Variants in NRXN3 observed in about 807,000 individuals in gnomAD.
NRXN3 encodes the protein neurexin 3, also known as neurexin III.
In NRXN3, 32 loss-of-function variants were observed where a neutral mutation model predicts 137.6. The observed-to-expected ratio is 0.23, with a 90% CI of 0.18 to 0.31. The LOEUF is 0.31. NRXN3 is among the 10% of genes least tolerant of loss of function. The pLI is 1.00. For synonymous variants in NRXN3, 798 were observed against 784.5 expected (o/e 1.02, Z -0.29); for missense variants, 1,574 against 2,062.5 (o/e 0.76, Z 4.59).
chr14:79,340,161 GT>G (rs1401592738), intron 15 of NRXN3, among the ~76,000 whole-genome samples: 23 of 3,732 alleles, frequency 6.2e-3, no homozygotes, highest in Non-Finnish European at 0.024. Context: ...GAATTTAAGG[GT>G]GTGTGTGTGT....
chr14:79,850,928 G>A (rs531317480), intron 20 of NRXN3, among the ~76,000 whole-genome samples: 23 of 152,238 alleles, frequency 1.5e-4, no homozygotes, highest in African/African-American at 5.3e-4. Context: ...GCTTCCATGG[G>A]TTTAAAAAAT....
chr14:78,226,043 G>A (rs151218258), intron 1 of NRXN3, among the ~76,000 whole-genome samples: 2,389 of 148,312 alleles, frequency 0.016, 68 homozygotes, highest in African/African-American at 0.056. Flanking sequence ...TTGCTCTGTC[G>A]CCCAGGCTAG....
intron 15 of NRXN3, among the ~76,000 whole-genome samples, chr14:79,064,453 A>G (rs538641891): frequency 9.1e-4 from 138 of 152,196 alleles, no homozygotes; most frequent in South Asian, 1.7e-3. Flanking sequence ...ACACAGGGAC[A>G]GGTGGTGTCT....
intron 19 of NRXN3, among the ~76,000 whole-genome samples, chr14:79,787,448 AATTC>A (rs1265872567): frequency 6.6e-6 from 1 of 152,210 alleles, no homozygotes; most frequent in Admixed American, 6.5e-5. Context: ...TGAAATAGGC[AATTC>A]ATTATTAACT....
At chr14:78,262,976 C>T (rs976577716) in intron 2 of NRXN3, among the ~76,000 whole-genome samples, 5 of 152,192 alleles carry the variant, frequency 3.3e-5, no homozygotes, top group East Asian at 1.9e-4. Context: ...ATACACAAGG[C>T]GCTAGAGTGA....
intron 15 of NRXN3, among the ~76,000 whole-genome samples, chr14:79,430,324 A>G (rs1199764899): frequency 6.6e-6 from 1 of 152,162 alleles, no homozygotes; most frequent in East Asian, 1.9e-4. Context: ...AGGTACCTCA[A>G]ACGTGATGAG....
chr14:79,819,552 T>C (rs376364637), intron 20 of NRXN3, among the ~76,000 whole-genome samples: 11 of 126,444 alleles, frequency 8.7e-5, no homozygotes, highest in African/African-American at 3.3e-4. Context: ...TGGCACAATC[T>C]CGGCTCACTA....
chr14:79,282,021 G>T (rs1453909994), intron 15 of NRXN3: 2 of 151,230 alleles, frequency 1.3e-5, no homozygotes, highest in Non-Finnish European at 2.9e-5. Context: ...GGTTGGTGGA[G>T]GGGGATGGTG....
At chr14:79,543,635 A>G (rs1006169459) in intron 16 of NRXN3, among the ~76,000 whole-genome samples, 3 of 152,144 alleles carry the variant, frequency 2.0e-5, no homozygotes, top group Non-Finnish European at 2.9e-5. Flanking sequence ...GACCTTGAAA[A>G]ATTTGGAGCT....
chr14:79,067,588 C>G (rs536284428), intron 15 of NRXN3, among the ~76,000 whole-genome samples: 12 of 152,140 alleles, frequency 7.9e-5, no homozygotes, highest in Admixed American at 6.6e-4. Context: ...GTGAATCTAT[C>G]TGGTCCTGGG....
chr14:78,675,708 A>G (rs986846151), intron 6 of NRXN3, among the ~76,000 whole-genome samples: 1 of 152,162 alleles, frequency 6.6e-6, no homozygotes, highest in Non-Finnish European at 1.5e-5. Flanking sequence ...TGAAGTTTCT[A>G]TGGCGTCTTC....
At chr14:78,578,822 C>T (rs1055653875) in intron 4 of NRXN3, among the ~76,000 whole-genome samples, 1 of 152,062 alleles carries the variant, frequency 6.6e-6, no homozygotes, top group African/African-American at 2.4e-5. Context: ...GGAAAGGGCA[C>T]CCGAGGCTGC....
chr14:79,279,899 A>G (rs1002338867), intron 15 of NRXN3: 14 of 1,021,452 alleles, frequency 1.4e-5, no homozygotes, highest in Non-Finnish European at 1.6e-5. Flanking sequence ...CTTCATTGCC[A>G]CCTTTCCTCT....
At chr14:78,267,272 A>C (rs147529934) in intron 2 of NRXN3, among the ~76,000 whole-genome samples, 2 of 152,216 alleles carry the variant, frequency 1.3e-5, no homozygotes, top group African/African-American at 2.4e-5. Flanking sequence ...TAAGGGACTT[A>C]TCTAAGGTCA....
chr14:79,809,963 G>A (rs769041339), intron 20 of NRXN3, among the ~76,000 whole-genome samples: 6 of 152,056 alleles, frequency 3.9e-5, no homozygotes, highest in Non-Finnish European at 7.4e-5. Context: ...CTAAAATGTG[G>A]GAATGAATTC....
intron 16 of NRXN3, among the ~76,000 whole-genome samples, chr14:79,535,041 C>T (rs1024040640): frequency 2.0e-5 from 3 of 152,136 alleles, no homozygotes; most frequent in African/African-American, 7.2e-5. Context: ...TCAAAAGTGT[C>T]TTCTAGAGCT....
At chr14:78,664,976 C>G (rs1203610529) in intron 6 of NRXN3, among the ~76,000 whole-genome samples, 1 of 152,140 alleles carries the variant, frequency 6.6e-6, no homozygotes, top group African/African-American at 2.4e-5. Context: ...CACTCATTTA[C>G]TTATTCATGA....
intron 8 of NRXN3, among the ~76,000 whole-genome samples, chr14:78,732,874 G>C (rs2152905322): frequency 6.6e-6 from 1 of 152,256 alleles, no homozygotes; most frequent in South Asian, 2.1e-4. Context: ...CAGACACTTG[G>C]ATTCTCTAGG....
chr14:79,708,610 A>G (rs894324075), intron 19 of NRXN3, among the ~76,000 whole-genome samples: 1 of 151,918 alleles, frequency 6.6e-6, no homozygotes, highest in Non-Finnish European at 1.5e-5. Context: ...CATTATGTCT[A>G]TGACAAGGTG....
Sources: allele counts gnomAD v4.1 joint callset (sites outside exome capture counted in the v4.1 genomes callset), GRCh38; gene constraint gnomAD v4.1.1; transcripts MANE v1.5; gene names NCBI Gene and HGNC (gene_info 2026-07-23, HGNC 2026-07-21).